Variants in KCNJ6 observed in about 807,000 individuals in gnomAD.
KCNJ6 encodes G protein-activated inward rectifier potassium channel 2.
A neutral mutation model predicts 34.2 loss-of-function variants in KCNJ6; 9 were observed. The ratio of observed to expected loss-of-function variants is 0.26; its 90% CI spans 0.16 to 0.46. The LOEUF is 0.46. Among genes scored for constraint, KCNJ6 ranks in the 20% least tolerant of loss-of-function variants. The pLI, the probability that KCNJ6 is intolerant of heterozygous loss-of-function variation, is 1.00. For synonymous variants in KCNJ6, 196 were observed against 207.1 expected, an observed-to-expected ratio of 0.95 and a Z score of 0.46; for missense variants, 236 against 531.3, an observed-to-expected ratio of 0.44 and a Z score of 5.46.
At chr21:37,747,851 G>C (rs752761563) in intron 2 of KCNJ6, among the ~76,000 whole-genome samples, 1 of 152,196 alleles carries the variant, frequency 6.6e-6, no homozygotes, top group African/African-American at 2.4e-5. Context: ...CTTCTAACCC[G>C]CAGACTTGCC....
At chr21:37,728,912 G>C (rs145809530) in intron 2 of KCNJ6, among the ~76,000 whole-genome samples, 1 of 152,118 alleles carries the variant, frequency 6.6e-6, no homozygotes, top group African/African-American at 2.4e-5. Flanking sequence ...GCCCATCAGC[G>C]ACTGGTGATA....
chr21:37,733,937 G>T (rs574603334), intron 2 of KCNJ6, among the ~76,000 whole-genome samples: 1 of 152,322 alleles, frequency 6.6e-6, no homozygotes, highest in Admixed American at 6.5e-5. Flanking sequence ...CTGTGAACCA[G>T]GCACATGCAT....
chr21:37,792,186 A>C (rs1387656951), intron 2 of KCNJ6, among the ~76,000 whole-genome samples: 3 of 152,212 alleles, frequency 2.0e-5, no homozygotes, highest in Admixed American at 6.5e-5. Flanking sequence ...TGGGCTGCAA[A>C]TGCTTGTGCA....
intron 1 of KCNJ6, among the ~76,000 whole-genome samples, 189 bp downstream of exon 1, chr21:37,915,695 C>A (rs2055890087): frequency 6.6e-6 from 1 of 152,244 alleles, no homozygotes; most frequent in South Asian, 2.1e-4. Flanking sequence ...AAACAGATTC[C>A]CCTTCTGTTA....
At chr21:37,661,194 CCTCCCCA>C (rs2054486568) in intron 3 of KCNJ6, among the ~76,000 whole-genome samples, 1 of 152,090 alleles carries the variant, frequency 6.6e-6, no homozygotes, top group Admixed American at 6.5e-5. Flanking sequence ...GATAAGACCC[CCTCCCCA>C]CTCCCACCTT....
chr21:37,639,245 G>A (rs1294347669), intron 3 of KCNJ6, among the ~76,000 whole-genome samples: 1 of 152,216 alleles, frequency 6.6e-6, no homozygotes, highest in Admixed American at 6.5e-5. Context: ...GGAAAGTGAT[G>A]GTAGCAGTCT....
At chr21:37,653,989 C>A (rs753947325) in intron 3 of KCNJ6, among the ~76,000 whole-genome samples, 2 of 151,834 alleles carry the variant, frequency 1.3e-5, no homozygotes, top group Non-Finnish European at 2.9e-5. Context: ...AGTGTGGGGA[C>A]CCTAGAAAGT....
At chr21:37,732,193 A>C (rs1296428474) in intron 2 of KCNJ6, among the ~76,000 whole-genome samples, 1 of 152,212 alleles carries the variant, frequency 6.6e-6, no homozygotes, top group Non-Finnish European at 1.5e-5. Flanking sequence ...TGAAGGTCAA[A>C]GCGTTGCCCT....
intron 2 of KCNJ6, among the ~76,000 whole-genome samples, chr21:37,763,994 C>T (rs13051441): frequency 0.62 from 94,327 of 151,568 alleles, 30,092 homozygotes; most frequent in African/African-American, 0.76. Context: ...ACTCATCTCA[C>T]ATATCTACAT....
At chr21:37,779,098 C>T (rs1327378372) in intron 2 of KCNJ6, among the ~76,000 whole-genome samples, 3 of 152,022 alleles carry the variant, frequency 2.0e-5, no homozygotes, top group African/African-American at 7.3e-5. Flanking sequence ...AAAAATTTTG[C>T]ATTTGGGTTA....
chr21:37,746,660 G>A (rs867225755), intron 2 of KCNJ6, among the ~76,000 whole-genome samples: 2 of 152,156 alleles, frequency 1.3e-5, no homozygotes, highest in Middle Eastern at 3.2e-3. Flanking sequence ...CAGTGGAAAA[G>A]AAAAAGACAA....
At chr21:37,702,913 G>A (rs529265249) in intron 3 of KCNJ6, among the ~76,000 whole-genome samples, 2 of 152,276 alleles carry the variant, frequency 1.3e-5, no homozygotes, top group East Asian at 1.9e-4. Context: ...CCCAGGAACA[G>A]TGGAGTGGTC....
intron 1 of KCNJ6, among the ~76,000 whole-genome samples, chr21:37,858,976 T>G (rs2055579054): frequency 6.6e-6 from 1 of 152,118 alleles, no homozygotes; most frequent in South Asian, 2.1e-4. Flanking sequence ...AGTTTCTGTC[T>G]AAAGAACAAA....
intron 2 of KCNJ6, among the ~76,000 whole-genome samples, chr21:37,748,177 C>T (rs143137012): frequency 0.011 from 1,735 of 152,250 alleles, 17 homozygotes; most frequent in Middle Eastern, 0.02. Context: ...ATGGTGGATA[C>T]GTGAACACTT....
chr21:37,853,531 A>G (rs914770383), intron 1 of KCNJ6, among the ~76,000 whole-genome samples: 4 of 152,144 alleles, frequency 2.6e-5, no homozygotes, highest in Non-Finnish European at 5.9e-5. Flanking sequence ...CCTGAAAGAA[A>G]GGAAGTTCTC....
intron 3 of KCNJ6, among the ~76,000 whole-genome samples, chr21:37,639,122 C>T (rs571937172): frequency 4.0e-4 from 61 of 152,318 alleles, no homozygotes; most frequent in Admixed American, 2.5e-3. Context: ...CAGAAAGCTT[C>T]CCTACTTCCA....
In KCNJ6 at chr21:37,607,687, G is replaced by A. The variant is rs1323680615; in HGVS notation, c.*17472C>T. On this transcript the variant is annotated 3_prime_UTR_variant, in exon 4 of 4. Transcript: ENST00000609713. ...CCTGGTGTTCCTTCCTAAAAAGCAT[G>A]GTGGAAAAGTTGGCAAGATTGACCT... 2 of 151,886 alleles carry A rather than the reference G, an allele frequency of 1.3e-5. No homozygotes were observed. Among genetic ancestry groups the A allele is most frequent in the African/African-American group, 4.8e-5 (2 of 41,330 alleles). 9.4% of individuals were successfully genotyped at this position (151,886 alleles called of 1,614,324 possible).
intron 1 of KCNJ6, among the ~76,000 whole-genome samples, chr21:37,870,694 G>A (rs2055647320): frequency 6.6e-6 from 1 of 151,880 alleles, no homozygotes; most frequent in South Asian, 2.1e-4. Flanking sequence ...TGCCCAAATG[G>A]TCTGGTTCCT....
chr21:37,797,194 G>T (rs866795219), intron 2 of KCNJ6, among the ~76,000 whole-genome samples: 20 of 152,060 alleles, frequency 1.3e-4, no homozygotes, highest in African/African-American at 4.6e-4. Context: ...GGGATTACAA[G>T]CATGTGCCAC....
Sources: allele counts gnomAD v4.1 joint callset (sites outside exome capture counted in the v4.1 genomes callset), GRCh38; gene constraint gnomAD v4.1.1; transcripts MANE v1.5; gene names NCBI Gene and HGNC (gene_info 2026-07-23, HGNC 2026-07-21).